Variants in FBXL13 observed in about 807,000 individuals in gnomAD.
FBXL13 encodes the protein F-box and leucine rich repeat protein 13.
A neutral mutation model predicts 83.6 loss-of-function variants in FBXL13; 67 were observed. The observed-to-expected ratio is 0.80, with a 90% CI of 0.66 to 0.98. FBXL13 has a LOEUF of 0.98. FBXL13 is among the 50% of genes least tolerant of loss of function. The pLI is 0.00. For synonymous variants in FBXL13, 272 were observed against 299.5 expected, an observed-to-expected ratio of 0.91 and a Z score of 0.95; for missense variants, 822 against 866.5, an observed-to-expected ratio of 0.95 and a Z score of 0.64.
intron 7 of FBXL13, among the ~76,000 whole-genome samples, 156 bp from the exon 9 acceptor site, chr7:102,963,821 A>T (rs1438849057): frequency 1.3e-5 from 2 of 152,172 alleles, no homozygotes; most frequent in Non-Finnish European, 2.9e-5. Flanking sequence ...CTATAGAATG[A>T]GAGAGATATT....
At chr7:103,019,419 A>G (rs1489433236) in intron 6 of FBXL13, among the ~76,000 whole-genome samples, 2 of 152,146 alleles carry the variant, frequency 1.3e-5, no homozygotes, top group Non-Finnish European at 2.9e-5. Context: ...AAGAACTAGA[A>G]AAGCAAGAGC....
At chr7:102,908,696 G>A (rs1167848438) in intron 11 of FBXL13, among the ~76,000 whole-genome samples, 1 of 152,256 alleles carries the variant, frequency 6.6e-6, no homozygotes, top group East Asian at 1.9e-4. Flanking sequence ...AGATCTGGAA[G>A]AATTCTTTGG....
At chr7:103,029,409 C>T in exon 3 of FBXL13, 1 of 1,505,236 alleles carries the variant, frequency 6.6e-7, no homozygotes, top group Non-Finnish European at 9.0e-7. Context: ...ATCATCAATT[C>T]CGGAGTCATC....
chr7:102,934,683 A>G (rs758886612), intron 8 of FBXL13: 1 of 1,581,742 alleles, frequency 6.3e-7, no homozygotes, highest in Non-Finnish European at 8.5e-7. Context: ...TGCAAAAGGA[A>G]AGGTTTGTAC....
intron 6 of FBXL13, chr7:102,973,788 C>T (rs1239227355): frequency 4.0e-6 from 3 of 753,788 alleles, no homozygotes; most frequent in Non-Finnish European, 7.3e-6. Context: ...TTCCCGGGAG[C>T]CCGGTTAACA....
intron 11 of FBXL13, among the ~76,000 whole-genome samples, chr7:102,893,712 G>A (rs1237601277): frequency 2.1e-5 from 3 of 143,280 alleles, no homozygotes; most frequent in Admixed American, 2.1e-4. Context: ...AGCTTGCAGT[G>A]AGCCGAGATC....
exon 3 of FBXL13, chr7:103,029,361 T>C (rs749534660): frequency 6.5e-7 from 1 of 1,545,642 alleles, no homozygotes; most frequent in Non-Finnish European, 8.7e-7. Context: ...CAAAAATGAG[T>C]CTTTACTAAA....
intron 6 of FBXL13, among the ~76,000 whole-genome samples, chr7:103,005,015 T>C (rs549954035): frequency 6.6e-6 from 1 of 152,332 alleles, no homozygotes; most frequent in African/African-American, 2.4e-5. Context: ...CAGGTATGAC[T>C]CAGTATAGGT....
chr7:102,902,501 C>G, intron 11 of FBXL13, among the ~76,000 whole-genome samples: 1 of 152,166 alleles, frequency 6.6e-6, no homozygotes, highest in Non-Finnish European at 1.5e-5. Context: ...CTCAAGAAAT[C>G]TTTGCCCAGA....
chr7:102,985,798 GA>G (rs1447588127), intron 6 of FBXL13, among the ~76,000 whole-genome samples: 1 of 152,130 alleles, frequency 6.6e-6, no homozygotes, highest in Non-Finnish European at 1.5e-5. Flanking sequence ...TGTAATGGGG[GA>G]AAAACAACAT....
intron 7 of FBXL13, among the ~76,000 whole-genome samples, chr7:102,964,403 T>C (rs1217248978): frequency 1.5e-5 from 2 of 134,648 alleles, no homozygotes; most frequent in Admixed American, 7.1e-5. Context: ...TATATATATA[T>C]ATTTTTTTTT....
chr7:102,862,918 T>C (rs1807076173), intron 16 of FBXL13, among the ~76,000 whole-genome samples: 1 of 152,194 alleles, frequency 6.6e-6, no homozygotes, highest in African/African-American at 2.4e-5. Flanking sequence ...AACTTGACCT[T>C]CTCTTCTCTT....
At chr7:102,836,667 A>G (rs956609807) in intron 17 of FBXL13, among the ~76,000 whole-genome samples, 5 of 152,236 alleles carry the variant, frequency 3.3e-5, no homozygotes, top group Admixed American at 6.5e-5. Context: ...GAAAACTTCC[A>G]TATCTCTTAG....
intron 10 of FBXL13, among the ~76,000 whole-genome samples, chr7:102,924,323 T>G (rs1011282312): frequency 6.6e-5 from 10 of 152,158 alleles, no homozygotes; most frequent in Admixed American, 5.2e-4. Context: ...TGTAGTTTGC[T>G]GACCCCTGAT....
At chr7:102,831,365 G>C (rs945865161) in intron 18 of FBXL13, among the ~76,000 whole-genome samples, 1 of 150,050 alleles carries the variant, frequency 6.7e-6, no homozygotes, top group African/African-American at 2.5e-5. Flanking sequence ...TAGAGGGCAG[G>C]CATGCTGTTA....
At chr7:102,860,979 T>C (rs544168924) in intron 16 of FBXL13, among the ~76,000 whole-genome samples, 1 of 147,270 alleles carries the variant, frequency 6.8e-6, no homozygotes, top group African/African-American at 2.5e-5. Flanking sequence ...TTATATATAG[T>C]TATATATATA....
At chr7:102,845,006 C>T (rs1231256433) in intron 17 of FBXL13, among the ~76,000 whole-genome samples, 1 of 152,180 alleles carries the variant, frequency 6.6e-6, no homozygotes, top group Non-Finnish European at 1.5e-5. Flanking sequence ...TCTGTCCCCA[C>T]AGAGTTGGAG....
chr7:102,845,876 A>G (rs1054422402), intron 17 of FBXL13, among the ~76,000 whole-genome samples: 4 of 152,190 alleles, frequency 2.6e-5, no homozygotes, highest in African/African-American at 9.7e-5. Flanking sequence ...CCTCGCCTGA[A>G]TCCTCCCATA....
intron 14 of FBXL13, among the ~76,000 whole-genome samples, chr7:102,879,937 A>T (rs1039826127): frequency 1.3e-5 from 2 of 152,064 alleles, no homozygotes; most frequent in African/African-American, 4.8e-5. Context: ...CGATCTCCTG[A>T]CCTCGTGATC....
Sources: gnomAD v4.1 joint callset for allele counts (sites outside exome capture counted in the v4.1 genomes callset) on GRCh38, gnomAD v4.1.1 for gene constraint, MANE v1.5 for transcripts, NCBI Gene and HGNC (gene_info 2026-07-23, HGNC 2026-07-21) for gene names.